The following FMNL1 variants were observed in gnomAD, a reference collection of about 807,000 sequenced individuals.
FMNL1 encodes formin-like protein 1.
A neutral mutation model predicts 121.3 loss-of-function variants in FMNL1; 43 were observed. The observed-to-expected ratio is 0.35, with a 90% confidence interval of 0.28 to 0.46. The LOEUF (loss-of-function observed/expected upper bound fraction) is 0.46. Among genes scored for constraint, FMNL1 ranks in the 20% least tolerant of loss-of-function variants. FMNL1 has a pLI of 1.00. For synonymous variants in FMNL1, 613 were observed against 613.5 expected (o/e 1.00, Z 0.01); for missense variants, 1,191 against 1,482.4 (o/e 0.80, Z 3.23).
In FMNL1 at chr17:45,246,522, T is replaced by C; in HGVS notation, c.3229T>C (p.Phe1077Leu). 2 of 1,614,152 alleles carry C rather than the reference T, an allele frequency of 1.2e-6. No homozygotes were observed. Among genetic ancestry groups the C allele is most frequent in the East Asian group, 4.5e-5 (2 of 44,874 alleles). ...DIITVIKTVP[F>L]TARTGKRTSR... Reference sequence around the variant, plus strand: ...CCACTCAGTGATCAAGACGGTGCCCTTCACGGCCCGCACCGGCAAGCGGAC... The same window carrying C: ...CCACTCAGTGATCAAGACGGTGCCCCTCACGGCCCGCACCGGCAAGCGGAC... The change falls in exon 26 of 27, where the codon TTC becomes CTC. Residue 1077 changes from phenylalanine to leucine, a missense_variant. Phe to Leu is a conservative substitution (Grantham distance 22, BLOSUM62 0). This residue lies in a region of FMNL1 where 367 missense variants were observed against 528.6 expected (regional missense o/e 0.69). Coordinates refer to ENST00000331495, the MANE Select transcript of FMNL1 (RefSeq NM_005892.4).
chr17:45,234,322 C>T (rs1243727889), intron 6 of FMNL1, 122 bp downstream of exon 6: 5 of 1,517,742 alleles, frequency 3.3e-6, no homozygotes, highest in Non-Finnish European at 3.6e-6. Flanking sequence ...CATTAGGGGT[C>T]CGAGTAAGGG....
chr17:45,222,035 CCCCCGCCCGGGCCGGGAGCCTCGT>C lies in FMNL1; in HGVS notation c.-84_-61del, dbSNP rs1277979666. On this transcript the variant is annotated 5_prime_UTR_variant, in exon 1 of 27. Coordinates refer to ENST00000331495, the MANE Select transcript of FMNL1 (RefSeq NM_005892.4). ...GCCACCGCCAGCCGCTGCCCCCTCGCCCCCGCCCGGGCCGGGAGCCTCGTCCCCGTCCCCCGGAAAGCTGGATTT... is the reference window on the plus strand; with the variant it reads ...GCCACCGCCAGCCGCTGCCCCCTCGCCCCCGTCCCCCGGAAAGCTGGATTT... 1 of 1,047,496 alleles carries C rather than the reference CCCCCGCCCGGGCCGGGAGCCTCGT, an allele frequency of 9.5e-7. No individual in the cohort carries two copies. The highest frequency in any genetic ancestry group is 5.0e-5 in the Admixed American group (1 of 20,160). The allele number at this position is 1,047,496 out of a possible 1,614,324, so 64.9% of individuals were successfully genotyped here.
chr17:45,242,866 C>T (rs201996923), intron 16 of FMNL1, among the ~76,000 whole-genome samples: 4 of 152,322 alleles, frequency 2.6e-5, no homozygotes, highest in East Asian at 1.9e-4. Context: ...TCCTTTTTAC[C>T]GCTGGCCAGT....
At position 45,225,637 on chromosome 17, in the gene FMNL1, C is replaced by T. The variant is rs187960351; in HGVS notation, c.129+3384C>T. 3.8e-3 allele frequency among the ~76,000 whole-genome samples: 572 copies of T among 152,252 alleles called. 4 individuals are homozygous for T. Among genetic ancestry groups the T allele is most frequent in the South Asian group, 0.013 (61 of 4,824 alleles). The stretch of plus-strand genomic sequence containing the variant: ...CGGGTAGAAGCAGGTGCTCTCAGGG[C>T]TACCTCTGCCTTTTTCCTGGGAACA... On this transcript the variant is annotated intron_variant, in intron 1 of 26. Transcript: ENST00000331495.
At chr17:45,239,788 A>C (rs73303250) in intron 11 of FMNL1, among the ~76,000 whole-genome samples, 157 of 150,314 alleles carry the variant, frequency 1.0e-3, no homozygotes, top group African/African-American at 3.8e-3. Context: ...ACAAAAGGTC[A>C]CGTACTCTAT....
chr17:45,243,077 C>T (rs560259731), intron 16 of FMNL1, 41 bp from the exon 17 acceptor site: 46 of 1,608,162 alleles, frequency 2.9e-5, no homozygotes, highest in Non-Finnish European at 3.6e-5. Context: ...GTGCCAGACC[C>T]CAGCCCCACC....
chr17:45,233,141 G>A lies in FMNL1; in HGVS notation c.328-83G>A, dbSNP rs777137882. On this transcript the variant is annotated intron_variant, in intron 3 of 26. Coordinates refer to ENST00000331495, the MANE Select transcript of FMNL1 (RefSeq NM_005892.4). This position sits in a 1 kb window ranked among gnomAD's most constrained non-coding sequence, Gnocchi z 4.1. The stretch of plus-strand genomic sequence containing the variant: ...TTGTGCCAGTTGGAGGAGGGTGGGC[G>A]CTGCTGCCTGCTGCCTCAGGACTTG... The A allele has an allele frequency of 3.8e-5, 53 of 1,396,328 alleles. No individual in the cohort carries two copies. Among genetic ancestry groups the A allele is most frequent in the Admixed American group, 9.9e-5 (5 of 50,632 alleles). 86.5% of individuals were successfully genotyped at this position (1,396,328 alleles called of 1,614,324 possible). A position where few individuals can be genotyped will look rare whatever the true frequency, so the allele number is the denominator to read the frequency against.
chr17:45,230,127 G>A (rs1363834740), intron 1 of FMNL1, among the ~76,000 whole-genome samples: 1 of 152,220 alleles, frequency 6.6e-6, no homozygotes, highest in African/African-American at 2.4e-5. Context: ...CTGTGTACAC[G>A]TGGGATCTGG....
rs746447740 is a variant in FMNL1, at chr17:45,237,361, A to AG, written c.800+6dup. On this transcript the variant is annotated splice_donor_region_variant and intron_variant, in intron 8 of 26. Transcript: ENST00000331495. The surrounding 1 kb of genome is among the most constrained non-coding windows in gnomAD (Gnocchi z 4.4). The stretch of plus-strand genomic sequence containing the variant: ...GCCTCAACAACAAGAACCCCAGGTG[A>AG]GGTCCAGGCCCCAAACCTTTCTCCG... 1 of 1,614,186 alleles carries AG rather than the reference A, an allele frequency of 6.2e-7. No individual in the cohort carries two copies. Among genetic ancestry groups the AG allele is most frequent in the African/African-American group, 1.3e-5 (1 of 75,056 alleles).
rs1272970446 is a variant in FMNL1, at chr17:45,240,526, C to T, written c.1131C>T (p.Tyr377=). The T allele has an allele frequency of 1.2e-6, 2 of 1,613,376 alleles. No individual in the cohort carries two copies. The highest frequency in any genetic ancestry group is 2.2e-5 in the South Asian group (2 of 91,040). ...SDKLQVQIQA[Y]LDNIFDVGAL... The stretch of plus-strand genomic sequence containing the variant: ...AGCTGCAGGTGCAGATCCAGGCGTA[C>T]CTGGACAATATTTTTGATGTGGGGG... The change falls in exon 12 of 27, where the codon TAC becomes TAT. Residue 377 remains tyrosine, a synonymous_variant. Transcript: ENST00000331495.
Position 45,231,099 on chromosome 17 carries a change from C to T in FMNL1, c.213+412C>T, listed in dbSNP as rs895160253. 6.6e-6 allele frequency among the ~76,000 whole-genome samples: 1 copy of T among 152,198 alleles called. No individual in the cohort carries two copies. Among genetic ancestry groups the T allele is most frequent in the African/African-American group, 2.4e-5 (1 of 41,442 alleles). On this transcript the variant is annotated intron_variant, in intron 2 of 26. Coordinates refer to ENST00000331495, the MANE Select transcript of FMNL1 (RefSeq NM_005892.4). This position sits in a 1 kb window ranked among gnomAD's most constrained non-coding sequence, Gnocchi z 4.7. ...GGAGGAAGGGGCGGGAATTCCTGCC[C>T]TTTTGCCTTGGGTCCAGAGGAGCTG...
In FMNL1 at chr17:45,233,593, C is replaced by A; in HGVS notation, c.402-55C>A. On this transcript the variant is annotated intron_variant, in intron 4 of 26. Coordinates refer to ENST00000331495, the MANE Select transcript of FMNL1 (RefSeq NM_005892.4). The surrounding 1 kb of genome is among the most constrained non-coding windows in gnomAD (Gnocchi z 4.1). ...GTCCTTGCTGTCCCTGTTCTGTGCC[C>A]ATGTGGGGCAGGACCTCCTTTCTGG... is the stretch of plus-strand genomic sequence containing the variant. 6.2e-7 allele frequency: 1 copy of A among 1,601,224 alleles called. No homozygotes were observed.
intron 19 of FMNL1, among the ~76,000 whole-genome samples, chr17:45,244,597 G>A (rs990446759): frequency 1.3e-5 from 2 of 152,216 alleles, no homozygotes; most frequent in African/African-American, 4.8e-5. Context: ...ACTAGCAGAG[G>A]ACAAAATTTG....
In FMNL1 at chr17:45,233,837, C is replaced by G; in HGVS notation, c.485+106C>G. 6.1e-6 allele frequency: 9 copies of G among 1,467,508 alleles called. No individual in the cohort carries two copies. The South Asian group carries it at 7.4e-5, about 12-fold the overall frequency. The allele number at this position is 1,467,508 out of a possible 1,614,324, so 90.9% of individuals were successfully genotyped here. On this transcript the variant is annotated intron_variant, in intron 5 of 26. Transcript: ENST00000331495. The surrounding 1 kb of genome is among the most constrained non-coding windows in gnomAD (Gnocchi z 4.1). ...CCAGTTTCAAGCCAGGCAGCCCGAG[C>G]CTACCCTGGAACCCTCCACTTGGCC...
chr17:45,227,764 G>A (rs9916564), intron 1 of FMNL1, among the ~76,000 whole-genome samples: 45,513 of 152,056 alleles, frequency 0.3, 8,020 homozygotes, highest in East Asian at 0.48. Context: ...TCCAAACTCA[G>A]CTTCTCACTG....
intron 1 of FMNL1, among the ~76,000 whole-genome samples, chr17:45,226,025 GC>G (rs1018992294): frequency 2.6e-5 from 4 of 152,102 alleles, no homozygotes; most frequent in African/African-American, 7.2e-5. Flanking sequence ...AGCGGAGGGA[GC>G]CCAGACCCTG....
Position 45,233,970 on chromosome 17 carries a change from C to G in FMNL1, c.486-102C>G. 1 of 1,496,330 alleles carries G rather than the reference C, an allele frequency of 6.7e-7. No homozygotes were observed. Among genetic ancestry groups the G allele is most frequent in the South Asian group, 1.3e-5 (1 of 76,954 alleles). 92.7% of individuals were successfully genotyped at this position (1,496,330 alleles called of 1,614,324 possible). On this transcript the variant is annotated intron_variant, in intron 5 of 26. Transcript: ENST00000331495. This position sits in a 1 kb window ranked among gnomAD's most constrained non-coding sequence, Gnocchi z 4.1. ...AGAACACAGCCTCCTCCTCCTGCTC[C>G]TTAGTCTCACCTGCAGGTCTGTCTC...
intron 1 of FMNL1, 118 bp downstream of exon 1, chr17:45,222,371 G>A: frequency 1.1e-6 from 1 of 875,976 alleles, no homozygotes; most frequent in East Asian, 5.7e-5. Context: ...CCCCGGTCCG[G>A]CAGCTGCCCC....
At chr17:45,225,686 G>A (rs536398818) in intron 1 of FMNL1, among the ~76,000 whole-genome samples, 4 of 152,270 alleles carry the variant, frequency 2.6e-5, no homozygotes, top group Admixed American at 2.6e-4. Context: ...GGTGGCTTGG[G>A]GGGCCTTTGA....
Sources: allele counts gnomAD v4.1 joint callset (sites outside exome capture counted in the v4.1 genomes callset), GRCh38; gene constraint gnomAD v4.1.1; regional missense constraint gnomAD v4.1.1; non-coding constraint Gnocchi (gnomAD v3.1); transcripts MANE v1.5; gene names NCBI Gene and HGNC (gene_info 2026-07-23, HGNC 2026-07-21).